MB21D2: variants seen among roughly 807,000 people sequenced by gnomAD.
MB21D2 encodes nucleotidyltransferase MB21D2.
Under a neutral mutation model 33.3 loss-of-function variants are expected in MB21D2, and 9 were observed. The ratio of observed to expected loss-of-function variants is 0.27; its 90% confidence interval spans 0.16 to 0.47. The LOEUF is 0.47. Ranked by LOEUF, MB21D2 falls within the 20% of genes least tolerant of loss-of-function variation. The pLI is 0.99. For synonymous variants in MB21D2, 241 were observed against 236.3 expected, an observed-to-expected ratio of 1.02 and a Z score of -0.18; for missense variants, 540 against 624.6, an observed-to-expected ratio of 0.86 and a Z score of 1.44.
intron 1 of MB21D2, among the ~76,000 whole-genome samples, chr3:192,826,369 G>A (rs192732553): frequency 2.6e-5 from 4 of 152,218 alleles, no homozygotes; most frequent in African/African-American, 9.6e-5. Flanking sequence ...CAAGGCACGT[G>A]TAGCAAATGG....
intron 1 of MB21D2, among the ~76,000 whole-genome samples, chr3:192,825,979 G>A (rs1712165735): frequency 6.6e-6 from 1 of 152,168 alleles, no homozygotes; most frequent in Non-Finnish European, 1.5e-5. Context: ...CTACACAAGG[G>A]GAATGTGGTG....
At chr3:192,904,603 G>A (rs1452951706) in intron 1 of MB21D2, among the ~76,000 whole-genome samples, 1 of 152,160 alleles carries the variant, frequency 6.6e-6, no homozygotes, top group Non-Finnish European at 1.5e-5. Flanking sequence ...CAAATTCTCA[G>A]GCTCCATTCC....
At chr3:192,833,607 A>C (rs1712367891) in intron 1 of MB21D2, among the ~76,000 whole-genome samples, 1 of 152,204 alleles carries the variant, frequency 6.6e-6, no homozygotes, top group African/African-American at 2.4e-5. Flanking sequence ...TCAGAGCACA[A>C]AAATAGATTC....
intron 1 of MB21D2, among the ~76,000 whole-genome samples, chr3:192,817,444 T>TGA (rs10636076): frequency 0.2 from 29,777 of 151,662 alleles, 5,086 homozygotes; most frequent in African/African-American, 0.47. Flanking sequence ...GGGAAAGAAG[T>TGA]GAGAGAAAGG....
At chr3:192,803,984 T>G (rs1223768728) in intron 1 of MB21D2, among the ~76,000 whole-genome samples, 2 of 152,222 alleles carry the variant, frequency 1.3e-5, no homozygotes, top group East Asian at 3.8e-4. Flanking sequence ...ATATGCTTGT[T>G]CTTAAGTAAA....
chr3:192,875,207 T>C (rs562220550), intron 1 of MB21D2, among the ~76,000 whole-genome samples: 1 of 152,290 alleles, frequency 6.6e-6, no homozygotes, highest in East Asian at 1.9e-4. Context: ...ATTACTTATG[T>C]AATGTGTTGT....
chr3:192,883,839 C>T (rs1419157301), intron 1 of MB21D2, among the ~76,000 whole-genome samples: 3 of 152,012 alleles, frequency 2.0e-5, no homozygotes, highest in Non-Finnish European at 2.9e-5. Context: ...TCCTTGATTC[C>T]CCTTTAGAGA....
At chr3:192,853,370 T>G (rs1484881358) in intron 1 of MB21D2, among the ~76,000 whole-genome samples, 1 of 152,186 alleles carries the variant, frequency 6.6e-6, no homozygotes, top group African/African-American at 2.4e-5. Flanking sequence ...AAGGTAGCAT[T>G]TAATAGAAGG....
intron 1 of MB21D2, among the ~76,000 whole-genome samples, 197 bp downstream of exon 1, chr3:192,917,433 G>A (rs1300603028): frequency 1.3e-5 from 2 of 152,202 alleles, no homozygotes; most frequent in East Asian, 3.9e-4. Context: ...GTAAAGTATA[G>A]TAAGGAGGGG....
chr3:192,841,393 A>G (rs1298838861), intron 1 of MB21D2, among the ~76,000 whole-genome samples: 1 of 152,276 alleles, frequency 6.6e-6, no homozygotes, highest in East Asian at 1.9e-4. Flanking sequence ...TGGTTTTTAC[A>G]TCCAAGATTG....
At position 192,799,440 on chromosome 3, in the gene MB21D2, G is replaced by A. The variant is rs1202524709; in HGVS notation, c.422C>T (p.Ser141Leu). The A allele has an allele frequency of 6.2e-7, 1 of 1,614,244 alleles. No homozygotes were observed. The highest frequency in any genetic ancestry group is 8.5e-7 in the Non-Finnish European group (1 of 1,180,048). ...GCTCAGCCAAGAGTGGCACAAGGCT[G>A]AGTGGCGCATGTCGAGTGTCACAGG... ...NQPVTLDMRH[S>L]ALCHSWLSLR... The change falls in exon 2 of 2, where the codon TCA becomes TTA. Residue 141 changes from serine (S) to leucine (L), a missense_variant. By Grantham distance (145) the Ser-to-Leu change is moderately radical (BLOSUM62 -2). Transcript: ENST00000392452. The surrounding 1 kb of genome is among the most constrained non-coding windows in gnomAD (Gnocchi z 4.1).
intron 1 of MB21D2, among the ~76,000 whole-genome samples, chr3:192,905,742 A>G (rs915861858): frequency 6.6e-6 from 1 of 151,784 alleles, no homozygotes; most frequent in Non-Finnish European, 1.5e-5. Flanking sequence ...CTGAGGTGGG[A>G]AAATTGCTTC....
At chr3:192,866,528 G>C (rs1016390171) in intron 1 of MB21D2, among the ~76,000 whole-genome samples, 7 of 152,146 alleles carry the variant, frequency 4.6e-5, no homozygotes, top group African/African-American at 1.7e-4. Flanking sequence ...ACCTGATTTA[G>C]AATGTTAAAG....
chr3:192,879,486 G>A (rs1055995538), intron 1 of MB21D2, among the ~76,000 whole-genome samples: 1 of 152,244 alleles, frequency 6.6e-6, no homozygotes, highest in Non-Finnish European at 1.5e-5. Context: ...CCTGAACTGC[G>A]TCCTTCATAC....
In MB21D2 at chr3:192,799,451, G is replaced by A. The variant is rs777678848; in HGVS notation, c.411C>T (p.Asp137=). 1.2e-5 allele frequency: 19 copies of A among 1,614,106 alleles called. No individual in the cohort carries two copies. In the African/African-American group the frequency reaches 1.7e-4, roughly 15 times the overall value. Residue 137 remains aspartate, a synonymous_variant, in exon 2 of 2, where the codon GAC becomes GAT. Coordinates refer to ENST00000392452, the MANE Select transcript of MB21D2 (RefSeq NM_178496.4). The surrounding 1 kb of genome is among the most constrained non-coding windows in gnomAD (Gnocchi z 4.1). ...AGTGGCACAAGGCTGAGTGGCGCAT[G>A]TCGAGTGTCACAGGCTGATTACGGT... ...LHDRNQPVTL[D]MRHSALCHSW... is the part of the protein sequence containing the mutation.
At chr3:192,839,861 TC>T (rs1712529686) in intron 1 of MB21D2, among the ~76,000 whole-genome samples, 1 of 152,112 alleles carries the variant, frequency 6.6e-6, no homozygotes, top group African/African-American at 2.4e-5. Flanking sequence ...CTTTTTCAAA[TC>T]CCTTTCTCAT....
chr3:192,891,510 A>G (rs996556840), intron 1 of MB21D2, among the ~76,000 whole-genome samples: 2 of 152,176 alleles, frequency 1.3e-5, no homozygotes, highest in African/African-American at 4.8e-5. Context: ...CCATTGCAAG[A>G]GAAGAGAGAT....
chr3:192,899,994 G>C (rs1714058111), intron 1 of MB21D2, among the ~76,000 whole-genome samples: 1 of 152,016 alleles, frequency 6.6e-6, no homozygotes, highest in Non-Finnish European at 1.5e-5. Flanking sequence ...CTTTAAGATA[G>C]ATTACAGAGG....
intron 1 of MB21D2, among the ~76,000 whole-genome samples, chr3:192,874,258 T>C (rs989929243): frequency 1.1e-4 from 16 of 152,150 alleles, no homozygotes; most frequent in African/African-American, 3.9e-4. Flanking sequence ...CATGCAAAAG[T>C]TGTACCTCAG....
Sources: gnomAD v4.1 joint callset for allele counts (sites outside exome capture counted in the v4.1 genomes callset) on GRCh38, gnomAD v4.1.1 for gene constraint, Gnocchi (gnomAD v3.1) non-coding constraint, MANE v1.5 for transcripts, NCBI Gene and HGNC (gene_info 2026-07-23, HGNC 2026-07-21) for gene names.